Variants in TRPM1 observed in about 807,000 individuals in gnomAD.
The protein encoded by TRPM1 is TRPM1-203 APA Isoform, Intron 10.
A neutral mutation model predicts 149.4 loss-of-function variants in TRPM1; 113 were observed. The ratio of observed to expected loss-of-function variants is 0.76; its 90% CI spans 0.65 to 0.88. The LOEUF (loss-of-function observed/expected upper bound fraction) is 0.88. Ranked by LOEUF, TRPM1 falls within the 40% of genes least tolerant of loss-of-function variation. The pLI is 0.00. For synonymous variants in TRPM1, 741 were observed against 759.5 expected (o/e 0.98, Z 0.40); for missense variants, 1,976 against 2,038.7 (o/e 0.97, Z 0.59).
At chr15:31,103,004 C>A (rs2035546301), upstream of TRPM1, among the ~76,000 whole-genome samples, 1 of 152,174 alleles carries the variant, frequency 6.6e-6, no homozygotes, top group Admixed American at 6.5e-5. Context: ...TCTGAAGGCA[C>A]AGTCAGGGCA....
At chr15:31,067,741 T>C in intron 5 of TRPM1, 138 bp downstream of exon 5, 10 of 857,396 alleles carry the variant, frequency 1.2e-5, no homozygotes, top group Non-Finnish European at 1.9e-5. Context: ...AGCTAGGGAA[T>C]AAAGACTTCA....
intron 1 of TRPM1, among the ~76,000 whole-genome samples, chr15:31,150,123 C>T (rs1294379623): frequency 6.6e-6 from 1 of 152,210 alleles, no homozygotes; most frequent in East Asian, 1.9e-4. Context: ...CTTAAGTGTC[C>T]TCAGCCTAGC....
intron 1 of TRPM1, among the ~76,000 whole-genome samples, chr15:31,086,163 G>C (rs1446448757): frequency 6.6e-6 from 1 of 152,220 alleles, no homozygotes; most frequent in Non-Finnish European, 1.5e-5. Context: ...CTGAAGAAAA[G>C]GGTGGGACCA....
chr15:31,063,254 C>A lies in TRPM1; in HGVS notation c.829G>T (p.Glu277Ter). Residue 277 changes from glutamate (E) to a stop codon, truncating the protein, a stop_gained, in exon 8 of 28, where the codon GAG becomes TAG. Transcript: ENST00000256552. LOFTEE classifies it high-confidence loss of function. The part of the protein sequence containing the change: ...QGVPLVGLVV[E>*]GGPNVVSIVL... ...ATGGACACCACGTTAGGGCCCCCCT[C>A]CACCACGAGACCCACGAGGGGCACG... is the stretch of plus-strand genomic sequence containing the variant. The A allele has an allele frequency of 6.2e-7, 1 of 1,614,174 alleles. No individual in the cohort carries two copies. Among genetic ancestry groups the A allele is most frequent in the Non-Finnish European group, 8.5e-7 (1 of 1,180,038 alleles).
chr15:31,115,241 G>C (rs1404021764), intron 1 of TRPM1, among the ~76,000 whole-genome samples: 1 of 152,112 alleles, frequency 6.6e-6, no homozygotes, highest in Non-Finnish European at 1.5e-5. Context: ...CTGGGCAACA[G>C]AGCAAGACTC....
In TRPM1 at chr15:31,124,270, G is replaced by A. The variant is rs1178995759; in HGVS notation, c.54+36636C>T. ...ATCGTGCTCTAGCAGGGATGACAGAGTGAGACTCCGTCTATAAATAAATAA... is the reference window on the plus strand; with the variant it reads ...ATCGTGCTCTAGCAGGGATGACAGAATGAGACTCCGTCTATAAATAAATAA... On this transcript the variant is annotated intron_variant, in intron 1 of 26. Transcript: ENST00000542188. Among the ~76,000 whole-genome samples the A allele has an allele frequency of 2.0e-5, 3 of 151,612 alleles. No homozygotes were observed. In the East Asian group the frequency reaches 5.8e-4, roughly 29 times the overall value.
chr15:31,134,409 A>G (rs1229257954), intron 1 of TRPM1, among the ~76,000 whole-genome samples: 1 of 152,216 alleles, frequency 6.6e-6, no homozygotes, highest in Non-Finnish European at 1.5e-5. Flanking sequence ...AAAGCTTTGA[A>G]AAACACCATA....
chr15:31,147,546 A>G (rs1039032531), intron 1 of TRPM1, among the ~76,000 whole-genome samples: 1 of 152,230 alleles, frequency 6.6e-6, no homozygotes, highest in Admixed American at 6.5e-5. Flanking sequence ...CTGTGGCTAC[A>G]CATCTGAACT....
chr15:31,006,009 AAAG>A (rs991954895), intron 27 of TRPM1, among the ~76,000 whole-genome samples: 7 of 152,208 alleles, frequency 4.6e-5, no homozygotes, highest in African/African-American at 9.6e-5. Flanking sequence ...ATTAATCAGC[AAAG>A]AAGTTATTTG....
intron 26 of TRPM1, 49 bp downstream of exon 26, chr15:31,026,866 C>T (rs771435794): frequency 1.9e-6 from 3 of 1,586,722 alleles, no homozygotes; most frequent in Non-Finnish European, 1.7e-6. Context: ...CCAATTTGAA[C>T]ACTATTTTGA....
rs770577891 is a variant in TRPM1 at position 31,046,239 on chromosome 15, T to C, written c.1765-6A>G. 3 of 1,613,686 alleles carry C rather than the reference T, an allele frequency of 1.9e-6. No individual in the cohort carries two copies. The highest frequency in any genetic ancestry group is 1.3e-5 in the African/African-American group (1 of 75,028). On this transcript the variant is annotated splice_region_variant and splice_polypyrimidine_tract_variant and intron_variant, in intron 15 of 27. Transcript: ENST00000256552. ...AGAAGTTTAAGAGCTTTAGGCTGCA[T>C]GGTGAAAGAGGAAGAAAAAAAATCA...
At chr15:31,017,992 G>C (rs2032428764) in intron 27 of TRPM1, among the ~76,000 whole-genome samples, 1 of 152,158 alleles carries the variant, frequency 6.6e-6, no homozygotes, top group Non-Finnish European at 1.5e-5. Flanking sequence ...CTGGAGTTCT[G>C]TAGTAAGCCA....
At chr15:31,098,511 G>A (rs1466671358) in intron 1 of TRPM1, among the ~76,000 whole-genome samples, 1 of 152,188 alleles carries the variant, frequency 6.6e-6, no homozygotes, top group Non-Finnish European at 1.5e-5. Flanking sequence ...GGAGGAGTGT[G>A]TAAGCAGGAC....
intron 15 of TRPM1, among the ~76,000 whole-genome samples, chr15:31,046,719 T>C (rs918682510): frequency 6.6e-6 from 1 of 152,082 alleles, no homozygotes; most frequent in African/African-American, 2.4e-5. Flanking sequence ...GCTGTGATAA[T>C]GAGTTTGGAT....
intron 1 of TRPM1, among the ~76,000 whole-genome samples, chr15:31,147,579 A>G (rs1003522925): frequency 6.6e-6 from 1 of 152,216 alleles, no homozygotes; most frequent in Non-Finnish European, 1.5e-5. Context: ...AAGGATTCCC[A>G]GTGGCTCTTG....
intron 4 of TRPM1, 77 bp from the exon 5 acceptor site, chr15:31,068,169 C>T: frequency 7.7e-7 from 1 of 1,306,210 alleles, no homozygotes; most frequent in Non-Finnish European, 1.1e-6. Context: ...GGCTATTGCT[C>T]ATGTCCAAGC....
At chr15:31,061,328 T>G in intron 10 of TRPM1, 114 bp downstream of exon 10, 1 of 1,031,942 alleles carries the variant, frequency 9.7e-7, no homozygotes, top group Non-Finnish European at 1.5e-6. Context: ...TCAAGTGGCC[T>G]GGCTGGCTCA....
intron 16 of TRPM1, among the ~76,000 whole-genome samples, chr15:31,042,612 C>A (rs1042696249): frequency 1.3e-5 from 2 of 152,202 alleles, no homozygotes; most frequent in African/African-American, 4.8e-5. Flanking sequence ...CAGTTTATTT[C>A]CTCAGGGAGG....
chr15:31,118,474 A>C (rs1160908190), intron 1 of TRPM1, among the ~76,000 whole-genome samples: 1 of 152,158 alleles, frequency 6.6e-6, no homozygotes, highest in African/African-American at 2.4e-5. Flanking sequence ...TATCGTGTTC[A>C]AACTATAGAA....
Sources: gnomAD v4.1 joint callset for allele counts (sites outside exome capture counted in the v4.1 genomes callset) on GRCh38, gnomAD v4.1.1 for gene constraint, MANE v1.5 for transcripts, NCBI Gene and HGNC (gene_info 2026-07-23, HGNC 2026-07-21) for gene names.